Variants in TNNI3K observed in about 807,000 individuals in gnomAD.
The protein encoded by TNNI3K is TNNI3 interacting kinase.
In TNNI3K, 140 loss-of-function variants were observed where a neutral mutation model predicts 114.5. The observed-to-expected ratio is 1.22, with a 90% CI of 1.07 to 1.41. The LOEUF is 1.41. Ranked by LOEUF, TNNI3K falls within the 40% of genes most tolerant of loss-of-function variation. The pLI is 0.00. For synonymous variants in TNNI3K, 347 were observed against 347.5 expected (o/e 1.00, Z 0.02); for missense variants, 1,125 against 1,007.6 (o/e 1.12, Z -1.58).
In TNNI3K at chr1:74,342,930, T is replaced by G. The variant is rs774239300; in HGVS notation, c.771T>G (p.Ser257Arg). The change falls in exon 8 of 25, where the codon AGT (serine) becomes AGG (arginine). Residue 257 changes from serine to arginine, a missense_variant. Transcript: ENST00000326637. ...ATATAGTTAAGTATCTGCTGCAAAG[T>G]GATTTGGAAGTTCAACCTCATGTTG... ...HHDIVKYLLQ[S>R]DLEVQPHVVN... The G allele has an allele frequency of 6.2e-7, 1 of 1,613,842 alleles. No individual in the cohort carries two copies. The highest frequency in any genetic ancestry group is 8.5e-7 in the Non-Finnish European group (1 of 1,179,926).
chr1:74,505,839 C>T (rs539876944), intron 23 of TNNI3K, among the ~76,000 whole-genome samples: 65 of 152,248 alleles, frequency 4.3e-4, no homozygotes, highest in African/African-American at 1.6e-3. Context: ...AAATCTTCAC[C>T]ATTAATATTT....
At chr1:74,503,853 A>G (rs1669758265) in intron 23 of TNNI3K, among the ~76,000 whole-genome samples, 1 of 152,194 alleles carries the variant, frequency 6.6e-6, no homozygotes, top group Admixed American at 6.5e-5. Context: ...GGGGCTGAAA[A>G]GGGAAATATA....
chr1:74,479,487 A>C (rs755111448), intron 21 of TNNI3K, among the ~76,000 whole-genome samples: 5 of 152,208 alleles, frequency 3.3e-5, no homozygotes, highest in Non-Finnish European at 7.3e-5. Flanking sequence ...AAAACCACCC[A>C]ACAGGAGGAA....
At chr1:74,508,872 A>G (rs1345056221) in intron 23 of TNNI3K, among the ~76,000 whole-genome samples, 1 of 152,212 alleles carries the variant, frequency 6.6e-6, no homozygotes, top group African/African-American at 2.4e-5. Flanking sequence ...AATAGGGACC[A>G]TAATATTACC....
intron 23 of TNNI3K, among the ~76,000 whole-genome samples, chr1:74,534,693 C>T (rs977618402): frequency 1.3e-5 from 2 of 152,034 alleles, no homozygotes; most frequent in African/African-American, 4.8e-5. Flanking sequence ...AGTATCTCCT[C>T]TATCTTGTAA....
chr1:74,295,286 G>A (rs1234403558), intron 5 of TNNI3K, among the ~76,000 whole-genome samples: 1 of 152,012 alleles, frequency 6.6e-6, no homozygotes, highest in East Asian at 1.9e-4. Flanking sequence ...CCAAGCATAT[G>A]GTGGATTTTG....
intron 20 of TNNI3K, among the ~76,000 whole-genome samples, chr1:74,445,895 C>A (rs1666641958): frequency 6.6e-6 from 1 of 152,196 alleles, no homozygotes; most frequent in African/African-American, 2.4e-5. Flanking sequence ...CAGGCGTGAG[C>A]CACCGTGCCC....
rs552714530 is a variant in TNNI3K, at chr1:74,465,424, GCCAGGTC to G, written c.2121+1877_2121+1883del. ...CTGAGCCAGCAGCTGCAGAGGGTGG[GCCAGGTC>G]CCGCAACACTGCTGGCCCGCCCGCA... On this transcript the variant is annotated intron_variant, in intron 21 of 24. Transcript: ENST00000326637. Among the ~76,000 whole-genome samples, 14 of 152,320 alleles carry G rather than the reference GCCAGGTC, an allele frequency of 9.2e-5. No homozygotes were observed. The South Asian group carries it at 2.5e-3, about 27-fold the overall frequency.
intron 4 of TNNI3K, among the ~76,000 whole-genome samples, chr1:74,257,240 A>G (rs1310470067): frequency 1.3e-5 from 2 of 152,172 alleles, no homozygotes; most frequent in African/African-American, 4.8e-5. Flanking sequence ...AAGATTAATT[A>G]AGATATAATT....
intron 23 of TNNI3K, among the ~76,000 whole-genome samples, chr1:74,513,267 C>T (rs575970530): frequency 1.3e-5 from 2 of 152,218 alleles, no homozygotes; most frequent in South Asian, 4.1e-4. Flanking sequence ...GAAATTATAC[C>T]GGGATGTGGA....
At chr1:74,282,974 T>G (rs1657103580) in intron 5 of TNNI3K, among the ~76,000 whole-genome samples, 1 of 152,168 alleles carries the variant, frequency 6.6e-6, no homozygotes, top group Admixed American at 6.5e-5. Flanking sequence ...TCAATATCAA[T>G]CTAGGGAATG....
intron 4 of TNNI3K, among the ~76,000 whole-genome samples, chr1:74,251,183 T>C (rs966392089): frequency 1.3e-5 from 2 of 152,218 alleles, no homozygotes; most frequent in Non-Finnish European, 2.9e-5. Context: ...TGTATTTCTT[T>C]ACTGCAAATT....
intron 9 of TNNI3K, among the ~76,000 whole-genome samples, chr1:74,351,521 T>C (rs1661339707): frequency 6.6e-6 from 1 of 152,228 alleles, no homozygotes; most frequent in African/African-American, 2.4e-5. Flanking sequence ...CCTGCCTTGC[T>C]AGATTGGGGA....
At chr1:74,388,279 A>C (rs1663591420) in intron 17 of TNNI3K, among the ~76,000 whole-genome samples, 1 of 152,110 alleles carries the variant, frequency 6.6e-6, no homozygotes, top group Non-Finnish European at 1.5e-5. Context: ...TTCCGTCACA[A>C]AAAAAATAAT....
At chr1:74,372,417 G>T (rs1481373408) in intron 17 of TNNI3K, 1 of 151,722 alleles carries the variant, frequency 6.6e-6, no homozygotes, top group Admixed American at 6.6e-5. Context: ...TCAGATACGT[G>T]AGTGGTAGAA....
chr1:74,255,253 C>T (rs1228890777), intron 4 of TNNI3K, among the ~76,000 whole-genome samples: 2 of 149,932 alleles, frequency 1.3e-5, no homozygotes, highest in African/African-American at 4.9e-5. Flanking sequence ...ACTTGGGAGG[C>T]TGAGGCGGGA....
At chr1:74,456,908 G>T (rs946630000) in intron 20 of TNNI3K, among the ~76,000 whole-genome samples, 5 of 152,094 alleles carry the variant, frequency 3.3e-5, no homozygotes, top group Admixed American at 3.3e-4. Context: ...TTAAAAATAT[G>T]AATTAAAGTA....
chr1:74,408,311 AC>A (rs1664715624), intron 17 of TNNI3K, among the ~76,000 whole-genome samples: 1 of 152,152 alleles, frequency 6.6e-6, no homozygotes, highest in Non-Finnish European at 1.5e-5. Flanking sequence ...ATTTACATAT[AC>A]CACCTGTTAG....
At chr1:74,534,069 A>G (rs1646628710) in intron 23 of TNNI3K, among the ~76,000 whole-genome samples, 1 of 152,222 alleles carries the variant, frequency 6.6e-6, no homozygotes, top group Non-Finnish European at 1.5e-5. Flanking sequence ...CAGGGGTTTT[A>G]TAAAAATGTT....
Sources: gnomAD v4.1 joint callset for allele counts (sites outside exome capture counted in the v4.1 genomes callset) on GRCh38, gnomAD v4.1.1 for gene constraint, MANE v1.5 for transcripts, NCBI Gene and HGNC (gene_info 2026-07-23, HGNC 2026-07-21) for gene names.